Variants in EIF3A observed in about 807,000 individuals in gnomAD.
EIF3A encodes eukaryotic translation initiation factor 3 subunit A, also known as EIF3, p180 subunit.
Under a neutral mutation model 186.6 loss-of-function variants are expected in EIF3A, and 21 were observed. The ratio of observed to expected loss-of-function variants is 0.11; its 90% CI spans 0.08 to 0.16. The LOEUF (loss-of-function observed/expected upper bound fraction) is 0.16. EIF3A is among the 10% of genes least tolerant of loss of function. EIF3A has a pLI of 1.00. For missense variants in EIF3A, 1,306 were observed against 1,796.3 expected (o/e 0.73, Z 4.93); for synonymous variants, 563 against 584.3 (o/e 0.96, Z 0.52).
chr10:119,071,890 C>T (rs1053236579), intron 4 of EIF3A, among the ~76,000 whole-genome samples: 1 of 151,660 alleles, frequency 6.6e-6, no homozygotes, highest in African/African-American at 2.4e-5. Flanking sequence ...CCGAGCATGG[C>T]AGCGTGCGCC....
At chr10:119,077,841 C>T (rs1011369892) in intron 1 of EIF3A, among the ~76,000 whole-genome samples, 1 of 152,166 alleles carries the variant, frequency 6.6e-6, no homozygotes, top group Non-Finnish European at 1.5e-5. Flanking sequence ...GCATGAGCCA[C>T]CACGCCCGGC....
intron 9 of EIF3A, 52 bp downstream of exon 9, chr10:119,060,694 T>C: frequency 7.0e-7 from 1 of 1,428,208 alleles, no homozygotes; most frequent in Non-Finnish European, 9.6e-7. Flanking sequence ...AGTTTTTAGT[T>C]TCATGATGAG....
At chr10:119,050,120 C>T in intron 16 of EIF3A, 135 bp from the exon 17 acceptor site, 4 of 836,396 alleles carry the variant, frequency 4.8e-6, no homozygotes, top group Non-Finnish European at 5.6e-6. Flanking sequence ...TAATCAGCTA[C>T]AGGACAGAAC....
intron 14 of EIF3A, among the ~76,000 whole-genome samples, chr10:119,052,368 T>TTTTTTTTGTGTGTGTGTGTGTGTGTGTG (rs140398720): frequency 8.1e-6 from 1 of 122,972 alleles, no homozygotes; most frequent in African/African-American, 2.9e-5. Context: ...TTTTTTGGTT[T>TTTTTTTTGTGTGTGTGTGTGTGTGTGTG]TGTGTGTGTG....
At position 119,036,150 on chromosome 10, in the gene EIF3A, T is replaced by TTCTCGGTCTCGG; in HGVS notation, c.4026_4037dup (p.Asp1342_Arg1345dup). On this transcript the variant is annotated inframe_insertion, in exon 22 of 22. Transcript: ENST00000369144. ...AGGCCTTCTCTTTTTCACCTTCTCT[T>TTCTCGGTCTCGG]TCTCGGTCTCGGTCTCTTTCTCGGT... The TTCTCGGTCTCGG allele has an allele frequency of 1.9e-6, 3 of 1,613,934 alleles. No individual in the cohort carries two copies. The highest frequency in any genetic ancestry group is 2.5e-6 in the Non-Finnish European group (3 of 1,179,886).
At chr10:119,065,300 G>T in intron 7 of EIF3A, 99 bp downstream of exon 7, 3 of 897,922 alleles carry the variant, frequency 3.3e-6, no homozygotes, top group Non-Finnish European at 5.3e-6. Context: ...CAGAACCCTT[G>T]GCACTGAATC....
chr10:119,075,709 GAC>G (rs1844158815), intron 1 of EIF3A, among the ~76,000 whole-genome samples: 1 of 94,554 alleles, frequency 1.1e-5, no homozygotes, highest in Non-Finnish European at 2.1e-5. Flanking sequence ...CTTGGAAAAA[GAC>G]TTTTTTTTTT....
chr10:119,042,167 C>A lies in EIF3A; in HGVS notation c.3353G>T (p.Gly1118Val), dbSNP rs780445995. 6.2e-7 allele frequency: 1 copy of A among 1,613,968 alleles called. No homozygotes were observed. The highest frequency in any genetic ancestry group is 8.5e-7 in the Non-Finnish European group (1 of 1,180,030). Residue 1118 changes from glycine to valine, a missense_variant, in exon 19 of 22, where the codon GGA becomes GTA. By Grantham distance (109) the Gly-to-Val change is moderately radical. This residue lies in a region of EIF3A where 331 missense variants were observed against 365.8 expected (regional missense o/e 0.90). Coordinates refer to ENST00000369144, the MANE Select transcript of EIF3A (RefSeq NM_003750.4). This position sits in a 1 kb window ranked among gnomAD's most constrained non-coding sequence, Gnocchi z 7.8. ...GPRRGLDDDR[G>V]PWRNADDDRI... ...GTCATCATCGGCGTTCCTCCAAGGT[C>A]CTCGATCATCATCCAACCCTCGCCT...
At position 119,036,043 on chromosome 10, in the gene EIF3A, C is replaced by T. The variant is rs1848123607; in HGVS notation, c.4145G>A (p.Arg1382His). The T allele has an allele frequency of 5.0e-6, 8 of 1,611,082 alleles. No individual in the cohort carries two copies. The highest frequency in any genetic ancestry group is 6.8e-6 in the Non-Finnish European group (8 of 1,177,220). Residue 1382 changes from arginine (R) to histidine (H), a missense_variant, in exon 22 of 22, where the codon CGT (arginine) becomes CAT (histidine). By Grantham distance (29) the Arg-to-His change is conservative. Around this residue, in one of 8 missense-constraint regions of EIF3A, gnomAD observed 331 missense variants for 365.8 expected, o/e 0.90. Transcript: ENST00000369144. ...TTAAATCCATTATCTTGAGACTTAA[C>T]GTCGTACTGTGGTCCATCCATCTTC... The part of the protein sequence containing the change: ...TDEDGWTTVR[R>H]
intron 1 of EIF3A, among the ~76,000 whole-genome samples, chr10:119,074,626 T>C (rs1844129997): frequency 6.6e-6 from 1 of 151,910 alleles, no homozygotes; most frequent in Non-Finnish European, 1.5e-5. Context: ...TTCTTTTTTT[T>C]TTTAAATAAA....
At chr10:119,080,544 C>G in intron 1 of EIF3A, 84 bp downstream of exon 1, 1 of 1,465,226 alleles carries the variant, frequency 6.8e-7, no homozygotes, top group Non-Finnish European at 9.0e-7. Flanking sequence ...GGCCGGGCGG[C>G]GGAGCAGTGG....
chr10:119,060,358 A>G (rs1323323494), intron 9 of EIF3A, among the ~76,000 whole-genome samples: 3 of 152,218 alleles, frequency 2.0e-5, no homozygotes, highest in African/African-American at 7.2e-5. Context: ...TATGCCACAG[A>G]AAGTAATAGA....
At chr10:119,072,841 CTCAG>C (rs1305784395) in intron 4 of EIF3A, 45 bp downstream of exon 4, 1 of 1,556,104 alleles carries the variant, frequency 6.4e-7, no homozygotes. Flanking sequence ...AAATTTACTC[CTCAG>C]TCAATTTCAA....
At chr10:119,068,986 AAAAAG>A (rs1450972161) in intron 6 of EIF3A, among the ~76,000 whole-genome samples, 2 of 151,944 alleles carry the variant, frequency 1.3e-5, no homozygotes, top group African/African-American at 4.8e-5. Context: ...AAAAAAAAAA[AAAAAG>A]AAAAGGAAAA....
At position 119,038,192 on chromosome 10, in the gene EIF3A, G is replaced by C. The variant is rs746923899; in HGVS notation, c.3728+46C>G. On this transcript the variant is annotated intron_variant, in intron 20 of 21. Transcript: ENST00000369144. ...CAAAGTGCTGGGATTACAGGCATGA[G>C]CCACTGCGCCCGGCCTCTACAAATA... 3 of 1,529,404 alleles carry C rather than the reference G, an allele frequency of 2.0e-6. No individual in the cohort carries two copies. The East Asian group carries it at 7.1e-5, about 36-fold the overall frequency. The allele number at this position is 1,529,404 out of a possible 1,614,324, so 94.7% of individuals were successfully genotyped here.
At chr10:119,075,711 CTTT>C (rs58392465) in intron 1 of EIF3A, among the ~76,000 whole-genome samples, 13 of 65,272 alleles carry the variant, frequency 2.0e-4, no homozygotes, top group African/African-American at 3.9e-4. Context: ...TGGAAAAAGA[CTTT>C]TTTTTTTTTT....
rs1848232082 is a variant in EIF3A, at chr10:119,042,877, G to C, written c.2748-105C>G. On this transcript the variant is annotated intron_variant, in intron 18 of 21. Coordinates refer to ENST00000369144, the MANE Select transcript of EIF3A (RefSeq NM_003750.4). The surrounding 1 kb of genome is among the most constrained non-coding windows in gnomAD (Gnocchi z 7.8). ...TTTTTAAAAACTTCAGTATGGGCCG[G>C]AGCAGTGGCTCGCACCTTTAATCCC... is the stretch of plus-strand genomic sequence containing the variant. The C allele has an allele frequency of 8.3e-7, 1 of 1,200,612 alleles. No individual in the cohort carries two copies. The highest frequency in any genetic ancestry group is 1.1e-6 in the Non-Finnish European group (1 of 879,504). The allele number at this position is 1,200,612 out of a possible 1,614,324, so 74.4% of individuals were successfully genotyped here.
At position 119,049,950 on chromosome 10, in the gene EIF3A, G is replaced by A. The variant is rs749503423; in HGVS notation, c.2509C>T (p.Arg837Cys). ...EERERAERAKREEELREYQER... is the reference protein window; with the variant it reads ...EERERAERAKCEEELREYQER... ...TGATACTCTCGTAGCTCTTCCTCGC[G>A]TTTTGCTCGTTCGGCGCGCTCTCTC... Residue 837 changes from arginine (R) to cysteine (C), a missense_variant, in exon 17 of 22, where the codon CGC (arginine) becomes TGC (cysteine). Around this residue, in one of 8 missense-constraint regions of EIF3A, gnomAD observed 410 missense variants for 473.5 expected, o/e 0.87. Coordinates refer to ENST00000369144, the MANE Select transcript of EIF3A (RefSeq NM_003750.4). The A allele has an allele frequency of 1.1e-5, 17 of 1,613,722 alleles. No homozygotes were observed. Among genetic ancestry groups the A allele is most frequent in the Middle Eastern group, 1.6e-4 (1 of 6,084 alleles).
At position 119,065,426 on chromosome 10, in the gene EIF3A, C is replaced by T. The variant is rs774815948; in HGVS notation, c.1095G>A (p.Pro365=). The part of the protein sequence containing the change: ...LATLLGLQAP[P]TRIGLINDMV... ...TATCATTAATAAGGCCAATTCGTGT[C>T]GGTGGGGCTTGAAGACCTAGTAGTG... The change falls in exon 7 of 22, where the codon CCG becomes CCA. Residue 365 remains proline, a synonymous_variant. Transcript: ENST00000369144. 4.3e-6 allele frequency: 7 copies of T among 1,612,968 alleles called. No individual in the cohort carries two copies. Among genetic ancestry groups the T allele is most frequent in the Admixed American group, 1.7e-5 (1 of 59,716 alleles).
Sources: allele counts gnomAD v4.1 joint callset (sites outside exome capture counted in the v4.1 genomes callset), GRCh38; gene constraint gnomAD v4.1.1; regional missense constraint gnomAD v4.1.1; non-coding constraint Gnocchi (gnomAD v3.1); transcripts MANE v1.5; gene names NCBI Gene and HGNC (gene_info 2026-07-23, HGNC 2026-07-21).